The following OXR1 variants were observed in gnomAD, a reference collection of about 807,000 sequenced individuals.
The protein encoded by OXR1 is oxidation resistance protein 1.
A neutral mutation model predicts 104.6 loss-of-function variants in OXR1; 41 were observed. The observed-to-expected ratio is 0.39, with a 90% CI of 0.31 to 0.51. The LOEUF (loss-of-function observed/expected upper bound fraction) is 0.51, where lower values mean the gene tolerates loss of function less well. Among genes scored for constraint, OXR1 ranks in the 20% least tolerant of loss-of-function variants. OXR1 has a pLI of 0.77. For missense variants in OXR1, 955 were observed against 1,031.9 expected (o/e 0.93, Z 1.02); for synonymous variants, 348 against 348.4 (o/e 1.00, Z 0.01).
At chr8:106,676,973 C>T (rs1827655706) in intron 3 of OXR1, among the ~76,000 whole-genome samples, 1 of 152,004 alleles carries the variant, frequency 6.6e-6, no homozygotes, top group African/African-American at 2.4e-5. Context: ...GAACTGCATT[C>T]TGTGGTGAGC....
chr8:106,704,393 C>CTTTTTTTTTTTTTTTTTT (rs71307084), intron 8 of OXR1, among the ~76,000 whole-genome samples: 19 of 47,880 alleles, frequency 4.0e-4, no homozygotes, highest in Admixed American at 1.3e-3. Context: ...CTTTCTTCTT[C>CTTTTTTTTTTTTTTTTTT]TTTTTTTTTT....
At chr8:106,338,804 A>C (rs1325282706) in intron 1 of OXR1, among the ~76,000 whole-genome samples, 1 of 151,908 alleles carries the variant, frequency 6.6e-6, no homozygotes, top group Non-Finnish European at 1.5e-5. Context: ...TAATTCTCTA[A>C]AACATATTTT....
chr8:106,559,690 G>A (rs965421841), intron 3 of OXR1, among the ~76,000 whole-genome samples: 1 of 152,156 alleles, frequency 6.6e-6, no homozygotes, highest in African/African-American at 2.4e-5. Context: ...CCCATAGATG[G>A]TGTGGGTCCT....
chr8:106,581,163 G>T, intron 3 of OXR1: 1 of 1,275,384 alleles, frequency 7.8e-7, no homozygotes, highest in Non-Finnish European at 1.0e-6. Flanking sequence ...CGGTGAAATA[G>T]CAAGAACATT....
At chr8:106,607,955 C>T (rs16874889) in intron 3 of OXR1, among the ~76,000 whole-genome samples, 4,229 of 152,098 alleles carry the variant, frequency 0.028, 83 homozygotes, top group Admixed American at 0.051. Context: ...ACATTAGACC[C>T]GTCATTTGAC....
intron 1 of OXR1, among the ~76,000 whole-genome samples, chr8:106,281,399 T>C (rs549819111): frequency 6.6e-6 from 1 of 152,150 alleles, no homozygotes; most frequent in East Asian, 1.9e-4. Flanking sequence ...ATAGAGGGAA[T>C]TTTATAGACC....
chr8:106,598,384 T>A (rs567379749), intron 3 of OXR1, among the ~76,000 whole-genome samples: 221 of 152,338 alleles, frequency 1.5e-3, no homozygotes, highest in Non-Finnish European at 1.7e-3. Flanking sequence ...CACAGCTCTA[T>A]CACTACAGGA....
intron 1 of OXR1, among the ~76,000 whole-genome samples, chr8:106,309,530 T>C (rs539911542): frequency 2.0e-4 from 31 of 152,216 alleles, no homozygotes; most frequent in Admixed American, 1.7e-3. Flanking sequence ...TATGAGTATT[T>C]GAAACTATAT....
At chr8:106,468,833 G>A (rs1292721438) in intron 2 of OXR1, among the ~76,000 whole-genome samples, 1 of 151,782 alleles carries the variant, frequency 6.6e-6, no homozygotes, top group African/African-American at 2.4e-5. Context: ...ACTTCGTCAT[G>A]AGAGACAAAA....
chr8:106,432,141 G>A (rs569274219), intron 2 of OXR1, among the ~76,000 whole-genome samples: 14 of 152,044 alleles, frequency 9.2e-5, no homozygotes, highest in Middle Eastern at 3.4e-3. Context: ...TACTTCCCTA[G>A]TGCATCCCCG....
At chr8:106,429,123 C>T (rs1563518319) in intron 2 of OXR1, among the ~76,000 whole-genome samples, 1 of 152,048 alleles carries the variant, frequency 6.6e-6, no homozygotes, top group South Asian at 2.1e-4. Context: ...CCTGGGCTCG[C>T]GTTCTGCCTC....
In OXR1 at chr8:106,270,392, T is replaced by G. The variant is rs568520807; in HGVS notation, c.-139+25T>G. 4.1e-4 allele frequency: 62 copies of G among 152,274 alleles called. 3 individuals carry two copies. The highest frequency in any genetic ancestry group is 1.4e-3 in the African/African-American group (59 of 41,540). 9.4% of individuals were successfully genotyped at this position (152,274 alleles called of 1,614,324 possible). A position where few individuals can be genotyped will look rare whatever the true frequency, so the allele number is the denominator to read the frequency against. On this transcript the variant is annotated intron_variant, in intron 1 of 16. Coordinates refer to ENST00000517566, the MANE Select transcript of OXR1 (RefSeq NM_001198533.2). ...AGTAAGTTTGTGAGGCTGCTGGGCG[T>G]TAGGGCGAGGGCTTGGCGCCCGGGG...
Position 106,711,494 on chromosome 8 carries a change from T to A in OXR1, c.1793+704T>A, listed in dbSNP as rs28921429. Among the ~76,000 whole-genome samples, 346 of 152,274 alleles carry A rather than the reference T, an allele frequency of 2.3e-3. 1 individual carries two copies. The highest frequency in any genetic ancestry group is 7.7e-3 in the African/African-American group (321 of 41,576). Reference sequence around the variant, plus strand: ...TACTATATTTTTATCCCCATTATAGTTCTTTGCAACAAACTACATATACTT... The same window carrying A: ...TACTATATTTTTATCCCCATTATAGATCTTTGCAACAAACTACATATACTT... On this transcript the variant is annotated intron_variant, in intron 10 of 16. Coordinates refer to ENST00000517566, the MANE Select transcript of OXR1 (RefSeq NM_001198533.2).
At chr8:106,651,724 ATATTG>A (rs1824591796) in intron 3 of OXR1, among the ~76,000 whole-genome samples, 1 of 152,108 alleles carries the variant, frequency 6.6e-6, no homozygotes, top group Admixed American at 6.5e-5. Flanking sequence ...TTCTTTTTAA[ATATTG>A]TGTTGGTTCT....
At chr8:106,630,287 A>T (rs3101527) in intron 3 of OXR1, among the ~76,000 whole-genome samples, 52,707 of 152,026 alleles carry the variant, frequency 0.35, 9,556 homozygotes, top group African/African-American at 0.44. Context: ...GAGATGAATG[A>T]CATAGGTGTA....
At chr8:106,449,664 A>C (rs956400267) in intron 2 of OXR1, among the ~76,000 whole-genome samples, 3 of 152,224 alleles carry the variant, frequency 2.0e-5, no homozygotes, top group African/African-American at 7.2e-5. Context: ...AAATTAAAAT[A>C]AATCCAATCC....
chr8:106,354,398 C>T (rs1241796792), intron 1 of OXR1, among the ~76,000 whole-genome samples: 1 of 151,970 alleles, frequency 6.6e-6, no homozygotes, highest in Non-Finnish European at 1.5e-5. Context: ...CATTTTATGC[C>T]CATTAGCTCT....
At chr8:106,724,583 G>C (rs931115440) in intron 11 of OXR1, among the ~76,000 whole-genome samples, 4 of 152,158 alleles carry the variant, frequency 2.6e-5, no homozygotes, top group African/African-American at 9.7e-5. Flanking sequence ...CAAATTCTCA[G>C]ACCCCATTTG....
intron 1 of OXR1, among the ~76,000 whole-genome samples, chr8:106,355,746 C>A (rs973708078): frequency 4.6e-5 from 7 of 151,116 alleles, no homozygotes; most frequent in African/African-American, 1.5e-4. Context: ...AAATGCAATT[C>A]TTTAATATTT....
Sources: gnomAD v4.1 joint callset for allele counts (sites outside exome capture counted in the v4.1 genomes callset) on GRCh38, gnomAD v4.1.1 for gene constraint, MANE v1.5 for transcripts, NCBI Gene and HGNC (gene_info 2026-07-23, HGNC 2026-07-21) for gene names.